TCF20: variants seen among roughly 807,000 people sequenced by gnomAD.
The protein encoded by TCF20 is transcription factor 20.
Under a neutral mutation model 148.6 loss-of-function variants are expected in TCF20, and 3 were observed. That is an observed-to-expected ratio of 0.02 (90% confidence interval 0.01 to 0.05). The LOEUF (loss-of-function observed/expected upper bound fraction) is 0.05. Among genes scored for constraint, TCF20 ranks in the 10% least tolerant of loss-of-function variants. The probability of loss-of-function intolerance (pLI) is 1.00; values close to 1 mark genes in which losing one functional copy is unlikely to be tolerated. For synonymous variants in TCF20, 1,049 were observed against 909.5 expected, an observed-to-expected ratio of 1.15 and a Z score of -2.76; for missense variants, 2,350 against 2,429.3, an observed-to-expected ratio of 0.97 and a Z score of 0.69.
upstream of TCF20, among the ~76,000 whole-genome samples, chr22:42,270,829 A>G (rs2147003393): frequency 6.7e-6 from 1 of 148,244 alleles, no homozygotes; most frequent in African/African-American, 2.5e-5. Context: ...CGCGCCGGGT[A>G]GGGATCGCGA....
intron 2 of TCF20, among the ~76,000 whole-genome samples, chr22:42,191,746 T>C (rs568386949): frequency 6.6e-6 from 1 of 152,302 alleles, no homozygotes; most frequent in South Asian, 2.1e-4. Flanking sequence ...TTGTGCCCTT[T>C]AAGAAATTAG....
rs1361527315 is a variant in TCF20 at position 42,270,497 on chromosome 22, G to A, written c.-195C>T. Among the ~76,000 whole-genome samples the A allele has an allele frequency of 6.9e-6, 1 of 144,810 alleles. No individual in the cohort carries two copies. The highest frequency in any genetic ancestry group is 2.5e-5 in the African/African-American group (1 of 40,434). On this transcript the variant is annotated 5_prime_UTR_variant, in exon 1 of 6. Transcript: ENST00000677622. ...CGGCGGCGGGGCGGGCCGGGGCCGC[G>A]GCCCCTCGAGGCTCGCTCCGGCCCG... is the stretch of plus-strand genomic sequence containing the variant.
intron 1 of TCF20, among the ~76,000 whole-genome samples, chr22:42,324,973 T>A (rs931392747): frequency 6.6e-6 from 1 of 152,188 alleles, no homozygotes; most frequent in African/African-American, 2.4e-5. Flanking sequence ...CAAAACTGGG[T>A]TCTCCCCTTG....
Position 42,290,260 on chromosome 22 carries a change from T to C in TCF20, c.-37+53219A>G, listed in dbSNP as rs541211518. Reference sequence around the variant, plus strand: ...AGTCCTGACCCCCAGTACCCTGCCCTAGGATGTGCAGGAGGCTCGGGGCCC... The same window carrying C: ...AGTCCTGACCCCCAGTACCCTGCCCCAGGATGTGCAGGAGGCTCGGGGCCC... On this transcript the variant is annotated intron_variant, in intron 1 of 1. Transcript: ENST00000515426. This position sits in a 1 kb window ranked among gnomAD's most constrained non-coding sequence, Gnocchi z 4.2. Among the ~76,000 whole-genome samples, 117 of 152,040 alleles carry C rather than the reference T, an allele frequency of 7.7e-4. 3 individuals carry two copies. In the South Asian group the frequency reaches 0.019, roughly 25 times the overall value.
At chr22:42,326,901 C>T (rs1927885199) in intron 1 of TCF20, among the ~76,000 whole-genome samples, 1 of 152,226 alleles carries the variant, frequency 6.6e-6, no homozygotes, top group Non-Finnish European at 1.5e-5. Flanking sequence ...TGCTCTGCAG[C>T]GGCCACTCAC....
chr22:42,181,178 T>C (rs1936754622), intron 2 of TCF20, among the ~76,000 whole-genome samples: 1 of 152,174 alleles, frequency 6.6e-6, no homozygotes, highest in Non-Finnish European at 1.5e-5. Context: ...CCTGCAGCCA[T>C]GTCTGCTGCC....
At chr22:42,304,435 C>G (rs1312034125) in intron 1 of TCF20, among the ~76,000 whole-genome samples, 1 of 152,164 alleles carries the variant, frequency 6.6e-6, no homozygotes, top group South Asian at 2.1e-4. Context: ...GGGCAGCCAG[C>G]CCCACATCCC....
Position 42,270,618 on chromosome 22 carries a change from T to G in TCF20, c.-316A>C, listed in dbSNP as rs1926562572. Among the ~76,000 whole-genome samples the G allele has an allele frequency of 1.4e-5, 2 of 142,898 alleles. No individual in the cohort carries two copies. The highest frequency in any genetic ancestry group is 5.1e-5 in the African/African-American group (2 of 39,490). 93.7% of individuals were successfully genotyped at this position (142,898 alleles called of 152,430 possible). On this transcript the variant is annotated 5_prime_UTR_variant, in exon 1 of 6. Transcript: ENST00000677622. ...GGCCGAAAGCGGCTGGGCTCGGGGT[T>G]TTTTCTCTCCATTCTCCCAACACAC... is the stretch of plus-strand genomic sequence containing the variant.
upstream of TCF20, among the ~76,000 whole-genome samples, chr22:42,286,613 C>T (rs147857034): frequency 2.6e-5 from 4 of 152,310 alleles, no homozygotes; most frequent in Non-Finnish European, 5.9e-5. Context: ...TCAGGGTAAT[C>T]AGAGCAAGGT....
At chr22:42,169,822 G>A (rs747374980) in intron 4 of TCF20, 25 bp downstream of exon 4, 2 of 1,612,954 alleles carry the variant, frequency 1.2e-6, no homozygotes, top group Non-Finnish European at 1.7e-6. Context: ...ATCCCTGCTG[G>A]TAGCTCTTGG....
Position 42,213,534 on chromosome 22 carries a change from A to G in TCF20, c.1772T>C (p.Leu591Ser). ...AACCTTTGGGTTCCCGTCGGATGACAATGGCATGTCCTTAGCGCCTGGTGA... is the reference window on the plus strand; with the variant it reads ...AACCTTTGGGTTCCCGTCGGATGACGATGGCATGTCCTTAGCGCCTGGTGA... ...ATSPGAKDMP[L>S]SSDGNPKVNE... The change falls in exon 2 of 6, where the codon TTG becomes TCG. Residue 591 changes from leucine (L) to serine (S), a missense_variant. Around this residue, in one of 7 missense-constraint regions of TCF20, gnomAD observed 1,641 missense variants for 1,662.6 expected, o/e 0.99. Transcript: ENST00000677622. 6.2e-7 allele frequency: 1 copy of G among 1,614,216 alleles called. No homozygotes were observed.
At position 42,207,478 on chromosome 22, in the gene TCF20, G is replaced by A. The variant is rs1938465853; in HGVS notation, c.5655+2173C>T. Among the ~76,000 whole-genome samples the A allele has an allele frequency of 2.0e-5, 3 of 152,084 alleles. No homozygotes were observed. In the South Asian group the frequency reaches 6.2e-4, roughly 32 times the overall value. ...AGCAAGCCTGGCCCATACTGTAACA[G>A]AGAGCTTCAAGTCATTTTTTAAAAC... On this transcript the variant is annotated intron_variant, in intron 2 of 5. Coordinates refer to ENST00000677622, the MANE Select transcript of TCF20 (RefSeq NM_001378418.1).
chr22:42,339,975 G>A (rs1601712438), intron 1 of TCF20, among the ~76,000 whole-genome samples: 1 of 141,842 alleles, frequency 7.1e-6, no homozygotes, highest in Non-Finnish European at 1.6e-5. Flanking sequence ...ACTCAGCAAA[G>A]CTCCCCCTGC....
chr22:42,212,740 G>A lies in TCF20; in HGVS notation c.2566C>T (p.Pro856Ser), dbSNP rs944264446. The change falls in exon 2 of 6, where the codon CCT becomes TCT. Residue 856 changes from proline (P) to serine (S), a missense_variant. Around this residue, in one of 7 missense-constraint regions of TCF20, gnomAD observed 1,641 missense variants for 1,662.6 expected, o/e 0.99. Transcript: ENST00000677622. ...EIEPQSSAHE[P>S]GGSLSERRSV... ...CTTCTTTCAGAGAGGGAACCCCCAG[G>A]CTCATGTGCTGATGACTGAGGCTCT... 36 of 1,614,104 alleles carry A rather than the reference G, an allele frequency of 2.2e-5. No individual in the cohort carries two copies. The highest frequency in any genetic ancestry group is 4.0e-5 in the African/African-American group (3 of 74,934).
chr22:42,318,819 G>T (rs1484730766), intron 1 of TCF20, among the ~76,000 whole-genome samples: 2 of 152,218 alleles, frequency 1.3e-5, no homozygotes, highest in East Asian at 3.8e-4. Context: ...GTCCCAGTAT[G>T]GGGGTGGGGG....
intron 1 of TCF20, among the ~76,000 whole-genome samples, chr22:42,227,013 T>C (rs1384750047): frequency 6.6e-6 from 1 of 152,224 alleles, no homozygotes; most frequent in Non-Finnish European, 1.5e-5. Flanking sequence ...CTGGGCGTGG[T>C]GGCTCACGCC....
In TCF20 at chr22:42,214,691, T is replaced by C. The variant is rs371393793; in HGVS notation, c.615A>G (p.Ser205=). The C allele has an allele frequency of 1.2e-6, 2 of 1,613,878 alleles. No homozygotes were observed. Among genetic ancestry groups the C allele is most frequent in the African/African-American group, 2.7e-5 (2 of 74,926 alleles). The change falls in exon 2 of 6, where the codon TCA becomes TCG. Residue 205 remains serine, a synonymous_variant. Transcript: ENST00000677622. ...PQATGQPASS[S]SHLQPMQRPS... ...GCCGCTGCATTGGCTGTAGATGGGA[T>C]GAGCTGGATGCTGGTTGGCCAGTGG...
intron 2 of TCF20, among the ~76,000 whole-genome samples, chr22:42,186,233 G>A (rs1937039333): frequency 6.6e-6 from 1 of 152,156 alleles, no homozygotes; most frequent in Non-Finnish European, 1.5e-5. Flanking sequence ...TGCAGCACAG[G>A]GCTACTGGAG....
rs1926848660 is a variant in TCF20, at chr22:42,279,258, A to T, written c.-37+4569T>A. ...AGTGGCTCATACCTGTAGTCCCAGC[A>T]CTTTGGGAGGCTGAGGCGGGCGGAT... On this transcript the variant is annotated intron_variant, in intron 1 of 5. Transcript: ENST00000359486. This position sits in a 1 kb window ranked among gnomAD's most constrained non-coding sequence, Gnocchi z 4.3. 6.6e-6 allele frequency among the ~76,000 whole-genome samples: 1 copy of T among 152,100 alleles called. No homozygotes were observed. The highest frequency in any genetic ancestry group is 2.1e-4 in the South Asian group (1 of 4,832).
Sources: allele counts gnomAD v4.1 joint callset (sites outside exome capture counted in the v4.1 genomes callset), GRCh38; gene constraint gnomAD v4.1.1; regional missense constraint gnomAD v4.1.1; non-coding constraint Gnocchi (gnomAD v3.1); transcripts MANE v1.5; gene names NCBI Gene and HGNC (gene_info 2026-07-23, HGNC 2026-07-21).